The following MTMR9 variants were observed in gnomAD, a reference collection of about 807,000 sequenced individuals.
MTMR9 encodes the protein myotubularin related protein 9, also known as myotubularin-related protein 9.
A neutral mutation model predicts 69.5 loss-of-function variants in MTMR9; 39 were observed. The ratio of observed to expected loss-of-function variants is 0.56; its 90% CI spans 0.43 to 0.73. MTMR9 has a LOEUF of 0.73. MTMR9 is among the 30% of genes least tolerant of loss of function. The probability of loss-of-function intolerance (pLI) is 0.00; values close to 1 mark genes in which losing one functional copy is unlikely to be tolerated. For synonymous variants in MTMR9, 354 were observed against 240.8 expected (o/e 1.47, Z -4.35); for missense variants, 900 against 671.2 (o/e 1.34, Z -3.77).
chr8:11,305,385 C>T (rs1585120855), intron 4 of MTMR9, among the ~76,000 whole-genome samples: 1 of 152,112 alleles, frequency 6.6e-6, no homozygotes, highest in Non-Finnish European at 1.5e-5. Flanking sequence ...CAACTTTACA[C>T]GTGAAAGGTG....
chr8:11,308,464 C>G (rs1262742723), intron 5 of MTMR9, among the ~76,000 whole-genome samples: 2 of 152,178 alleles, frequency 1.3e-5, no homozygotes, highest in African/African-American at 4.8e-5. Flanking sequence ...AAATCAGGTA[C>G]TGCGTGAGGC....
intron 2 of MTMR9, among the ~76,000 whole-genome samples, chr8:11,299,776 T>A (rs1291789521): frequency 6.6e-6 from 1 of 152,132 alleles, no homozygotes; most frequent in African/African-American, 2.4e-5. Flanking sequence ...ATTTTTTTGT[T>A]CTTTTTTTCA....
chr8:11,286,181 T>A (rs1799148614), intron 1 of MTMR9, among the ~76,000 whole-genome samples: 1 of 151,790 alleles, frequency 6.6e-6, no homozygotes, highest in Non-Finnish European at 1.5e-5. Flanking sequence ...CTTGAACTCC[T>A]GACCTCGCAA....
intron 1 of MTMR9, among the ~76,000 whole-genome samples, chr8:11,292,914 A>C (rs1350434587): frequency 6.6e-6 from 1 of 152,232 alleles, no homozygotes; most frequent in African/African-American, 2.4e-5. Flanking sequence ...TAATATTTAT[A>C]AACGATCATA....
intron 1 of MTMR9, among the ~76,000 whole-genome samples, chr8:11,289,771 G>A (rs1475179195): frequency 6.6e-6 from 1 of 151,812 alleles, no homozygotes; most frequent in African/African-American, 2.4e-5. Context: ...TCTTAATATG[G>A]TGACACAATA....
intron 1 of MTMR9, among the ~76,000 whole-genome samples, chr8:11,288,203 TTA>T (rs1346515430): frequency 1.5e-5 from 2 of 137,512 alleles, no homozygotes; most frequent in Admixed American, 1.6e-4. Context: ...CATGTAATTA[TTA>T]TATATAATAT....
chr8:11,335,578 A>G, the MTMR9 span, among the ~76,000 whole-genome samples: 444 of 152,296 alleles, frequency 2.9e-3, no homozygotes, highest in African/African-American at 0.011. Flanking sequence ...ATGAAAAGCA[A>G]AACCCATAAT....
chr8:11,312,662 C>G (rs762633515), intron 6 of MTMR9, among the ~76,000 whole-genome samples: 15 of 152,214 alleles, frequency 9.9e-5, no homozygotes, highest in Non-Finnish European at 2.2e-4. Context: ...TTTACCTCCT[C>G]TCATGAATCA....
rs955912355 is a variant in MTMR9 at position 11,326,199 on chromosome 8, G to T, written c.*3411G>T. 2.6e-5 allele frequency: 4 copies of T among 152,200 alleles called. No individual in the cohort carries two copies. Among genetic ancestry groups the T allele is most frequent in the Non-Finnish European group, 5.9e-5 (4 of 68,026 alleles). 9.4% of individuals were successfully genotyped at this position (152,200 alleles called of 1,614,324 possible). A position where few individuals can be genotyped will look rare whatever the true frequency, so the allele number is the denominator to read the frequency against. The stretch of plus-strand genomic sequence containing the variant: ...GCTTCAAGGCATAACTCGTGTAGTT[G>T]TCTGGTTTCAGGGATAGCTGTTTGA... On this transcript the variant is annotated 3_prime_UTR_variant, in exon 10 of 10. Coordinates refer to ENST00000221086, the MANE Select transcript of MTMR9 (RefSeq NM_015458.4).
chr8:11,297,379 C>T (rs573121445), intron 2 of MTMR9, among the ~76,000 whole-genome samples: 1 of 152,318 alleles, frequency 6.6e-6, no homozygotes, highest in South Asian at 2.1e-4. Flanking sequence ...GGAAGTAATG[C>T]ATGATGTTGA....
chr8:11,284,999 C>T lies in MTMR9; in HGVS notation c.111C>T (p.Ile37=), dbSNP rs1250330700. 4 of 1,613,740 alleles carry T rather than the reference C, an allele frequency of 2.5e-6. No individual in the cohort carries two copies. Among genetic ancestry groups the T allele is most frequent in the African/African-American group, 2.7e-5 (2 of 75,032 alleles). The part of the protein sequence containing the change: ...GTLCLTGHHL[I]LSSRQDNTEE... Reference sequence around the variant, plus strand: ...TGTGCCTGACGGGCCACCACTTGATCCTGTCCTCCCGGCAGGACAATACGG... The same window carrying T: ...TGTGCCTGACGGGCCACCACTTGATTCTGTCCTCCCGGCAGGACAATACGG... The change falls in exon 1 of 10, where the codon ATC becomes ATT. Residue 37 remains isoleucine (I), a synonymous_variant. Transcript: ENST00000221086.
downstream of MTMR9, chr8:11,331,519 C>T: frequency 6.2e-7 from 1 of 1,613,920 alleles, no homozygotes; most frequent in African/African-American, 1.3e-5. Flanking sequence ...AAAGGTTCTT[C>T]CACCGTATGC....
chr8:11,330,719 C>T (rs1214423896), downstream of MTMR9, among the ~76,000 whole-genome samples: 1 of 152,074 alleles, frequency 6.6e-6, no homozygotes, highest in Non-Finnish European at 1.5e-5. Context: ...TTGAAGACAG[C>T]ATGCTCGTTA....
chr8:11,317,624 G>A (rs1043286378), intron 8 of MTMR9: 3 of 152,156 alleles, frequency 2.0e-5, no homozygotes, highest in Admixed American at 6.5e-5. Context: ...TCCATGGCCT[G>A]GGGTTTGGGG....
intron 2 of MTMR9, among the ~76,000 whole-genome samples, chr8:11,296,357 T>C (rs1433805700): frequency 6.6e-6 from 1 of 152,226 alleles, no homozygotes; most frequent in South Asian, 2.1e-4. Flanking sequence ...GGGTCCTCTG[T>C]CATTACTTAC....
downstream of MTMR9, among the ~76,000 whole-genome samples, chr8:11,328,628 C>T (rs932502474): frequency 6.6e-6 from 1 of 152,132 alleles, no homozygotes; most frequent in Non-Finnish European, 1.5e-5. Flanking sequence ...TTACAGTAAT[C>T]ATTGACTTAG....
At chr8:11,337,688 A>G in the MTMR9 span, among the ~76,000 whole-genome samples, 1 of 152,258 alleles carries the variant, frequency 6.6e-6, no homozygotes, top group Non-Finnish European at 1.5e-5. Flanking sequence ...TGCTAGGGAA[A>G]AGCAAACTAT....
At chr8:11,328,490 G>A (rs929367182), downstream of MTMR9, among the ~76,000 whole-genome samples, 1 of 151,988 alleles carries the variant, frequency 6.6e-6, no homozygotes, top group East Asian at 1.9e-4. Context: ...ACATATTATT[G>A]ATTTAGTATG....
Position 11,324,242 on chromosome 8 carries a change from C to G in MTMR9, c.*1454C>G, listed in dbSNP as rs970173577. On this transcript the variant is annotated 3_prime_UTR_variant, in exon 10 of 10. Transcript: ENST00000221086. ...AAAATCTATGGCCACACTGAGAAGC[C>G]TTTGAAAATGGCAAATACTTTTCAT... The G allele has an allele frequency of 3.3e-5, 5 of 152,134 alleles. No individual in the cohort carries two copies. Among genetic ancestry groups the G allele is most frequent in the African/African-American group, 1.2e-4 (5 of 41,424 alleles). 9.4% of individuals were successfully genotyped at this position (152,134 alleles called of 1,614,324 possible). A position where few individuals can be genotyped will look rare whatever the true frequency, so the allele number is the denominator to read the frequency against.
Sources: allele counts gnomAD v4.1 joint callset (sites outside exome capture counted in the v4.1 genomes callset), GRCh38; gene constraint gnomAD v4.1.1; transcripts MANE v1.5; gene names NCBI Gene and HGNC (gene_info 2026-07-23, HGNC 2026-07-21).